SELENOF: variants seen among roughly 807,000 people sequenced by gnomAD.
SELENOF encodes the protein selenoprotein F.
In SELENOF, 16 loss-of-function variants were observed where a neutral mutation model predicts 20.5. The ratio of observed to expected loss-of-function variants is 0.78; its 90% CI spans 0.53 to 1.19. The LOEUF (loss-of-function observed/expected upper bound fraction) is 1.19. SELENOF is among the 50% of genes most tolerant of loss of function. The pLI is 0.00. For missense variants in SELENOF, 215 were observed against 194.2 expected (o/e 1.11, Z -0.64); for synonymous variants, 78 against 74.5 (o/e 1.05, Z -0.24).
chr1:86,873,743 T>C (rs947426550), intron 3 of SELENOF, among the ~76,000 whole-genome samples: 2 of 151,834 alleles, frequency 1.3e-5, no homozygotes, highest in African/African-American at 2.4e-5. Context: ...TCCCAGCTAC[T>C]TGGGAGGCTG....
Position 86,914,108 on chromosome 1 carries a change from C to T in SELENOF, c.4G>A (p.Val2Ile), listed in dbSNP as rs775379001. 3.0e-5 allele frequency: 48 copies of T among 1,613,870 alleles called. 1 individual carries two copies. The Middle Eastern group carries it at 1.2e-3, about 39-fold the overall frequency. Residue 2 changes from valine (V) to isoleucine (I), a missense_variant, in exon 1 of 5, where the codon GTA becomes ATA. By Grantham distance (29) the Val-to-Ile change is conservative (BLOSUM62 3). Transcript: ENST00000331835. MVAMAAGPSGCL... is the reference protein window; with the variant it reads MIAMAAGPSGCL... ...CCACTCGGCCCAGCCGCCATCGCTACCATTTTCCGCAGGTTTCTGGCTGCC... is the reference window on the plus strand; with the variant it reads ...CCACTCGGCCCAGCCGCCATCGCTATCATTTTCCGCAGGTTTCTGGCTGCC...
rs11367921 is a variant in SELENOF at position 86,875,241 on chromosome 1, G to GA, written c.316+5420dup. Among the ~76,000 whole-genome samples the GA allele has an allele frequency of 1.3e-3, 176 of 135,468 alleles. 1 individual carries two copies. In the South Asian group the frequency reaches 0.017, roughly 13 times the overall value. 88.9% of individuals were successfully genotyped at this position (135,468 alleles called of 152,430 possible). A position where few individuals can be genotyped will look rare whatever the true frequency, so the allele number is the denominator to read the frequency against. Reference sequence around the variant, plus strand: ...GGGAGACAAAGTGAGACTCCGTCTCGAAAAAAAAAAAACAAAAAAGAAAAG... The same window carrying GA: ...GGGAGACAAAGTGAGACTCCGTCTCGAAAAAAAAAAAAACAAAAAAGAAAAG... On this transcript the variant is annotated intron_variant, in intron 3 of 4. Coordinates refer to ENST00000331835, the MANE Select transcript of SELENOF (RefSeq NM_004261.5).
chr1:86,909,269 T>G (rs1454783979), intron 1 of SELENOF, among the ~76,000 whole-genome samples: 3 of 152,228 alleles, frequency 2.0e-5, no homozygotes, highest in African/African-American at 7.2e-5. Flanking sequence ...CTATACTCCT[T>G]TTCATTTTCA....
chr1:86,896,457 ATAC>A (rs1205032323), intron 2 of SELENOF, among the ~76,000 whole-genome samples: 2 of 152,206 alleles, frequency 1.3e-5, no homozygotes, highest in African/African-American at 4.8e-5. Flanking sequence ...ACCCACTAAA[ATAC>A]TACACTTAAT....
chr1:86,874,280 G>C (rs1658868141), intron 3 of SELENOF, among the ~76,000 whole-genome samples: 1 of 152,116 alleles, frequency 6.6e-6, no homozygotes, highest in Admixed American at 6.5e-5. Flanking sequence ...CCAATTTGGA[G>C]ATTTCTAAAG....
intron 2 of SELENOF, among the ~76,000 whole-genome samples, chr1:86,898,246 T>G (rs570037334): frequency 1.3e-5 from 2 of 152,326 alleles, no homozygotes; most frequent in South Asian, 4.1e-4. Flanking sequence ...AGCTTGTATT[T>G]GAGACGCTGA....
intron 2 of SELENOF, among the ~76,000 whole-genome samples, chr1:86,892,558 T>C (rs1463465984): frequency 6.6e-6 from 1 of 152,224 alleles, no homozygotes; most frequent in Non-Finnish European, 1.5e-5. Context: ...ATTCTCTTTC[T>C]GACAGCCTGA....
intron 3 of SELENOF, among the ~76,000 whole-genome samples, chr1:86,872,813 T>C (rs12728725): frequency 6.6e-6 from 1 of 151,696 alleles, no homozygotes; most frequent in Non-Finnish European, 1.5e-5. Context: ...GAGGCCGAGG[T>C]GGGAGGATCA....
chr1:86,912,121 C>A (rs1660000824), intron 1 of SELENOF, among the ~76,000 whole-genome samples: 1 of 152,114 alleles, frequency 6.6e-6, no homozygotes, highest in African/African-American at 2.4e-5. Flanking sequence ...CAAAGCCAAC[C>A]ATTTAGATTC....
chr1:86,870,262 C>G (rs1658726209), intron 3 of SELENOF, among the ~76,000 whole-genome samples: 1 of 152,160 alleles, frequency 6.6e-6, no homozygotes, highest in South Asian at 2.1e-4. Flanking sequence ...ACATTTGACT[C>G]AAATATCTCA....
chr1:86,865,110 G>A (rs1658559149), intron 4 of SELENOF, among the ~76,000 whole-genome samples: 1 of 152,006 alleles, frequency 6.6e-6, no homozygotes, highest in Non-Finnish European at 1.5e-5. Flanking sequence ...GTCAAATCCA[G>A]CAATGTGTAT....
chr1:86,902,930 T>C (rs1659737874), intron 2 of SELENOF, among the ~76,000 whole-genome samples: 1 of 152,250 alleles, frequency 6.6e-6, no homozygotes, highest in African/African-American at 2.4e-5. Context: ...ATTTCAAGTT[T>C]CATCCAACAC....
chr1:86,887,047 G>C, intron 2 of SELENOF: 1 of 1,217,528 alleles, frequency 8.2e-7, no homozygotes. Context: ...AATTCTCAGG[G>C]AAAATATTAT....
chr1:86,864,806 G>T (rs1027049009), intron 4 of SELENOF, among the ~76,000 whole-genome samples: 6 of 151,722 alleles, frequency 4.0e-5, no homozygotes, highest in Non-Finnish European at 8.8e-5. Context: ...CCGGCATTTT[G>T]TATTTTTAGT....
intron 2 of SELENOF, among the ~76,000 whole-genome samples, chr1:86,898,036 G>A (rs1194828480): frequency 2.0e-5 from 3 of 152,192 alleles, no homozygotes; most frequent in Non-Finnish European, 4.4e-5. Context: ...ATATTCCTTA[G>A]TAAATACTAA....
chr1:86,910,065 T>C (rs962613334), intron 1 of SELENOF, among the ~76,000 whole-genome samples: 9 of 152,214 alleles, frequency 5.9e-5, no homozygotes, highest in African/African-American at 2.2e-4. Flanking sequence ...GGAATGTGAG[T>C]TAAGCTTTGC....
intron 4 of SELENOF, among the ~76,000 whole-genome samples, chr1:86,866,298 A>G (rs1459077773): frequency 2.7e-5 from 4 of 149,820 alleles, no homozygotes; most frequent in African/African-American, 9.9e-5. Context: ...AAAAGGAAGG[A>G]AATCCTGTCA....
intron 2 of SELENOF, chr1:86,887,139 G>T: frequency 6.6e-7 from 1 of 1,522,850 alleles, no homozygotes; most frequent in South Asian, 1.3e-5. Flanking sequence ...TCTGATTAAT[G>T]ACACTTTCAT....
At chr1:86,875,694 T>C (rs1189322144) in intron 3 of SELENOF, among the ~76,000 whole-genome samples, 1 of 152,160 alleles carries the variant, frequency 6.6e-6, no homozygotes, top group African/African-American at 2.4e-5. Flanking sequence ...ACTTCTAGTT[T>C]GATAGAGGCA....
Sources: gnomAD v4.1 joint callset for allele counts (sites outside exome capture counted in the v4.1 genomes callset) on GRCh38, gnomAD v4.1.1 for gene constraint, MANE v1.5 for transcripts, NCBI Gene and HGNC (gene_info 2026-07-23, HGNC 2026-07-21) for gene names.